SPRYD4: variants seen among roughly 807,000 people sequenced by gnomAD.
SPRYD4 encodes the protein SPRY domain containing 4, also known as SPRY domain-containing protein 4.
Under a neutral mutation model 16.6 loss-of-function variants are expected in SPRYD4, and 12 were observed. The observed-to-expected ratio is 0.72, with a 90% confidence interval of 0.46 to 1.17. SPRYD4 has a LOEUF of 1.17. Ranked by LOEUF, SPRYD4 falls within the 50% of genes most tolerant of loss-of-function variation. The pLI is 0.00. For synonymous variants in SPRYD4, 98 were observed against 105.4 expected, an observed-to-expected ratio of 0.93 and a Z score of 0.43; for missense variants, 260 against 260.2, an observed-to-expected ratio of 1.00 and a Z score of 0.00.
In SPRYD4 at chr12:56,471,138, C is replaced by A. The variant is rs1222904489; in HGVS notation, c.*1561C>A. 4.9e-6 allele frequency: 2 copies of A among 411,676 alleles called. No individual in the cohort carries two copies. The highest frequency in any genetic ancestry group is 2.0e-5 in the African/African-American group (1 of 48,944). The allele number at this position is 411,676 out of a possible 1,614,324, so 25.5% of individuals were successfully genotyped here. ...TGTACATGTGCATGGTAGCTAGAGT[C>A]CCTCCACCAGAGTATCTCTCTCATG... On this transcript the variant is annotated 3_prime_UTR_variant, in exon 2 of 2. Transcript: ENST00000338146.
Position 56,472,173 on chromosome 12 carries a change from T to C in SPRYD4, c.*2596T>C, listed in dbSNP as rs564633999. On this transcript the variant is annotated 3_prime_UTR_variant, in exon 2 of 2. Coordinates refer to ENST00000338146, the MANE Select transcript of SPRYD4 (RefSeq NM_207344.4). ...CGCGAGTCATAGTCTTTCTGTTCCA[T>C]ATCCATGGCTGACAAGGCAAACCTG... 1 of 1,614,206 alleles carries C rather than the reference T, an allele frequency of 6.2e-7. No homozygotes were observed. Among genetic ancestry groups the C allele is most frequent in the African/African-American group, 1.3e-5 (1 of 75,038 alleles).
In SPRYD4 at chr12:56,477,703, G is replaced by T; in HGVS notation, c.*8126G>T. 14 of 1,613,252 alleles carry T rather than the reference G, an allele frequency of 8.7e-6. No homozygotes were observed. The highest frequency in any genetic ancestry group is 1.1e-5 in the Non-Finnish European group (13 of 1,179,632). On this transcript the variant is annotated 3_prime_UTR_variant, in exon 2 of 2. Coordinates refer to ENST00000338146, the MANE Select transcript of SPRYD4 (RefSeq NM_207344.4). The stretch of plus-strand genomic sequence containing the variant: ...AACAATGGCACCAGCATTGACCATG[G>T]GGTTATGGGGGATTCCTGGGGAAAT...
rs748572561 is a variant in SPRYD4, at chr12:56,472,776, G to C, written c.*3199G>C. ...TCTGGAACACAAATCATACCCACAT[G>C]ACATTAATTGAACTCACCTATGCCA... On this transcript the variant is annotated 3_prime_UTR_variant, in exon 2 of 2. Coordinates refer to ENST00000338146, the MANE Select transcript of SPRYD4 (RefSeq NM_207344.4). The C allele has an allele frequency of 6.2e-6, 10 of 1,608,880 alleles. No individual in the cohort carries two copies. The highest frequency in any genetic ancestry group is 1.6e-4 in the Middle Eastern group (1 of 6,072).
In SPRYD4 at chr12:56,478,188, A is replaced by G; in HGVS notation, c.*8611A>G. On this transcript the variant is annotated 3_prime_UTR_variant, in exon 2 of 2. Coordinates refer to ENST00000338146, the MANE Select transcript of SPRYD4 (RefSeq NM_207344.4). ...CCTCTTGCCCAGCATCTCACCGTTG[A>G]CCATCCACAGTGCACAGGGAGACAC... 1 of 1,614,206 alleles carries G rather than the reference A, an allele frequency of 6.2e-7. No individual in the cohort carries two copies. The highest frequency in any genetic ancestry group is 8.5e-7 in the Non-Finnish European group (1 of 1,180,034).
Position 56,478,420 on chromosome 12 carries a change from C to A in SPRYD4, c.*8843C>A. The A allele has an allele frequency of 1.5e-6, 1 of 688,140 alleles. No individual in the cohort carries two copies. 42.6% of individuals were successfully genotyped at this position (688,140 alleles called of 1,614,324 possible). A position where few individuals can be genotyped will look rare whatever the true frequency, so the allele number is the denominator to read the frequency against. ...CCTGTTGCTCCCAGAAATGCCCGAG[C>A]CTTAAGTCCTAGAAGGCCATATCTT... On this transcript the variant is annotated 3_prime_UTR_variant, in exon 2 of 2. Transcript: ENST00000338146.
Position 56,477,487 on chromosome 12 carries a change from C to G in SPRYD4, c.*7910C>G. ...GACGGAGGTGGTGCAGTCTCTTATA[C>G]TGACATTGTCAGCATAACATGTGGG... On this transcript the variant is annotated 3_prime_UTR_variant, in exon 2 of 2. Transcript: ENST00000338146. 1.6e-6 allele frequency: 1 copy of G among 624,094 alleles called. No homozygotes were observed. The highest frequency in any genetic ancestry group is 2.8e-6 in the Non-Finnish European group (1 of 352,228). The allele number at this position is 624,094 out of a possible 1,614,324, so 38.7% of individuals were successfully genotyped here.
In SPRYD4 at chr12:56,475,293, TG is replaced by T; in HGVS notation, c.*5717del. 6.8e-7 allele frequency: 1 copy of T among 1,460,022 alleles called. No homozygotes were observed. Among genetic ancestry groups the T allele is most frequent in the Non-Finnish European group, 9.2e-7 (1 of 1,088,464 alleles). 90.4% of individuals were successfully genotyped at this position (1,460,022 alleles called of 1,614,324 possible). A position where few individuals can be genotyped will look rare whatever the true frequency, so the allele number is the denominator to read the frequency against. ...CCTGAGCAAACACTCAGCATAGTTT[TG>T]TTATAAAGTAAACCCAAACCAAACA... On this transcript the variant is annotated 3_prime_UTR_variant, in exon 2 of 2. Coordinates refer to ENST00000338146, the MANE Select transcript of SPRYD4 (RefSeq NM_207344.4).
chr12:56,469,657 C>T lies in SPRYD4; in HGVS notation c.*80C>T. On this transcript the variant is annotated 3_prime_UTR_variant, in exon 2 of 2. Transcript: ENST00000338146. ...TGTCCGAAGCCTTTTTACTTTGCCT[C>T]AAGCAACCTCTAGCTCCCACAATTC... 2 of 1,371,542 alleles carry T rather than the reference C, an allele frequency of 1.5e-6. No individual in the cohort carries two copies. The highest frequency in any genetic ancestry group is 2.0e-6 in the Non-Finnish European group (2 of 1,021,908). The allele number at this position is 1,371,542 out of a possible 1,614,324, so 85.0% of individuals were successfully genotyped here.
chr12:56,471,060 A>C lies in SPRYD4; in HGVS notation c.*1483A>C, dbSNP rs1869219162. The C allele has an allele frequency of 6.7e-6, 2 of 297,114 alleles. No individual in the cohort carries two copies. Among genetic ancestry groups the C allele is most frequent in the Non-Finnish European group, 1.2e-5 (2 of 161,938 alleles). The allele number at this position is 297,114 out of a possible 1,614,324, so 18.4% of individuals were successfully genotyped here. On this transcript the variant is annotated 3_prime_UTR_variant, in exon 2 of 2. Transcript: ENST00000338146. ...CTGGCCAAGGGGAGTAGATTTCTCC[A>C]GACTACTAAAGCCATGTATATAGCC...
Position 56,479,350 on chromosome 12 carries a change from C to G in SPRYD4, c.*9773C>G. On this transcript the variant is annotated 3_prime_UTR_variant, in exon 2 of 2. Coordinates refer to ENST00000338146, the MANE Select transcript of SPRYD4 (RefSeq NM_207344.4). ...ACCTTTCTAGGTCTTAGTTTCCGTA[C>G]CTCTAAAATGAGGGGTTTTAATGAT... 1.4e-6 allele frequency: 1 copy of G among 730,860 alleles called. No individual in the cohort carries two copies. The highest frequency in any genetic ancestry group is 2.1e-6 in the Non-Finnish European group (1 of 480,746). 45.3% of individuals were successfully genotyped at this position (730,860 alleles called of 1,614,324 possible).
chr12:56,470,040 C>G lies in SPRYD4; in HGVS notation c.*463C>G, dbSNP rs914444368. ...GCTGAAGGAGTGGTGCAGTCAATGA[C>G]TTGGCCCTTTTTCTACAGCACATTT... On this transcript the variant is annotated 3_prime_UTR_variant, in exon 2 of 2. Transcript: ENST00000338146. 1 of 164,452 alleles carries G rather than the reference C, an allele frequency of 6.1e-6. No individual in the cohort carries two copies. The highest frequency in any genetic ancestry group is 1.4e-5 in the Non-Finnish European group (1 of 73,756). The allele number at this position is 164,452 out of a possible 1,614,324, so 10.2% of individuals were successfully genotyped here.
At position 56,471,769 on chromosome 12, in the gene SPRYD4, T is replaced by C; in HGVS notation, c.*2192T>C. ...CCCTCCTCCACTTTTAGCCTATTCC[T>C]CACCTGTCCTTGGCAAAAGGATTCA... On this transcript the variant is annotated 3_prime_UTR_variant, in exon 2 of 2. Coordinates refer to ENST00000338146, the MANE Select transcript of SPRYD4 (RefSeq NM_207344.4). 6.2e-7 allele frequency: 1 copy of C among 1,614,124 alleles called. No individual in the cohort carries two copies. Among genetic ancestry groups the C allele is most frequent in the Non-Finnish European group, 8.5e-7 (1 of 1,180,000 alleles).
Position 56,475,336 on chromosome 12 carries a change from C to T in SPRYD4, c.*5759C>T. The T allele has an allele frequency of 5.8e-6, 7 of 1,198,348 alleles. No homozygotes were observed. Among genetic ancestry groups the T allele is most frequent in the Non-Finnish European group, 8.0e-6 (7 of 878,472 alleles). The allele number at this position is 1,198,348 out of a possible 1,614,324, so 74.2% of individuals were successfully genotyped here. A position where few individuals can be genotyped will look rare whatever the true frequency, so the allele number is the denominator to read the frequency against. ...AACCAAACACCCCAAACTGTCTAGT[C>T]ATCTAGGAAAACTGGTGAAGTTTTT... On this transcript the variant is annotated 3_prime_UTR_variant, in exon 2 of 2. Coordinates refer to ENST00000338146, the MANE Select transcript of SPRYD4 (RefSeq NM_207344.4).
chr12:56,468,586 C>A lies in SPRYD4; in HGVS notation c.-6C>A, dbSNP rs1869093949. On this transcript the variant is annotated 5_prime_UTR_variant, in exon 1 of 2. Coordinates refer to ENST00000338146, the MANE Select transcript of SPRYD4 (RefSeq NM_207344.4). ...GGAGGCGTGCCCGGTTCATCCAAGG[C>A]GCAAGATGGCGCTGCTTTTTGCACG... 1 of 1,612,766 alleles carries A rather than the reference C, an allele frequency of 6.2e-7. No homozygotes were observed. The highest frequency in any genetic ancestry group is 1.1e-5 in the South Asian group (1 of 91,014).
rs1869424259 is a variant in SPRYD4, at chr12:56,472,896, T to C, written c.*3319T>C. 17 of 734,692 alleles carry C rather than the reference T, an allele frequency of 2.3e-5. No homozygotes were observed. In the South Asian group the frequency reaches 3.1e-4, roughly 13 times the overall value. 45.5% of individuals were successfully genotyped at this position (734,692 alleles called of 1,614,324 possible). A position where few individuals can be genotyped will look rare whatever the true frequency, so the allele number is the denominator to read the frequency against. On this transcript the variant is annotated 3_prime_UTR_variant, in exon 2 of 2. Coordinates refer to ENST00000338146, the MANE Select transcript of SPRYD4 (RefSeq NM_207344.4). ...TACTCTGAAATATTCTTTTTTTTTT[T>C]TTTTTTTTTGAGACGGAGTCTCGCT...
Position 56,475,059 on chromosome 12 carries a change from A to G in SPRYD4, c.*5482A>G. On this transcript the variant is annotated 3_prime_UTR_variant, in exon 2 of 2. Coordinates refer to ENST00000338146, the MANE Select transcript of SPRYD4 (RefSeq NM_207344.4). Reference sequence around the variant, plus strand: ...TTCTGGTTACCTTCTTTTCCTTGAGATAATAGCCGATGGCATAATTCCGAT... The same window carrying G: ...TTCTGGTTACCTTCTTTTCCTTGAGGTAATAGCCGATGGCATAATTCCGAT... 1.2e-6 allele frequency: 2 copies of G among 1,614,196 alleles called. No homozygotes were observed. The highest frequency in any genetic ancestry group is 1.7e-6 in the Non-Finnish European group (2 of 1,180,046).
Position 56,472,041 on chromosome 12 carries a change from A to G in SPRYD4, c.*2464A>G, listed in dbSNP as rs1296846126. ...GCTGCCCCTATAACCTTGAGGGCAC[A>G]TATAATGAAGGTACTTTTGGTGAAA... is the stretch of plus-strand genomic sequence containing the variant. On this transcript the variant is annotated 3_prime_UTR_variant, in exon 2 of 2. Transcript: ENST00000338146. The G allele has an allele frequency of 1.3e-6, 2 of 1,503,428 alleles. No individual in the cohort carries two copies. The allele number at this position is 1,503,428 out of a possible 1,614,324, so 93.1% of individuals were successfully genotyped here. A position where few individuals can be genotyped will look rare whatever the true frequency, so the allele number is the denominator to read the frequency against.
In SPRYD4 at chr12:56,475,978, CTG is replaced by C; in HGVS notation, c.*6402_*6403del. On this transcript the variant is annotated 3_prime_UTR_variant, in exon 2 of 2. Coordinates refer to ENST00000338146, the MANE Select transcript of SPRYD4 (RefSeq NM_207344.4). ...ACTTCTCTGCTTTGTTACAGTCCAT[CTG>C]CAGAGAAAGAGAGAGATGTCAGCAT... The C allele has an allele frequency of 6.2e-7, 1 of 1,613,072 alleles. No individual in the cohort carries two copies. Among genetic ancestry groups the C allele is most frequent in the South Asian group, 1.1e-5 (1 of 91,082 alleles).
Position 56,475,859 on chromosome 12 carries a change from TG to T in SPRYD4, c.*6286del. ...TAGTATGGGCTGGTGCACCTGGTAG[TG>T]GGGTTAGAGAGCCACTGGGGCAGCT... On this transcript the variant is annotated 3_prime_UTR_variant, in exon 2 of 2. Transcript: ENST00000338146. The T allele has an allele frequency of 6.8e-7, 1 of 1,474,144 alleles. No homozygotes were observed. Among genetic ancestry groups the T allele is most frequent in the Non-Finnish European group, 9.5e-7 (1 of 1,053,604 alleles). 91.3% of individuals were successfully genotyped at this position (1,474,144 alleles called of 1,614,324 possible). A position where few individuals can be genotyped will look rare whatever the true frequency, so the allele number is the denominator to read the frequency against.
Sources: allele counts gnomAD v4.1 joint callset, GRCh38; gene constraint gnomAD v4.1.1; transcripts MANE v1.5; gene names NCBI Gene and HGNC (gene_info 2026-07-23, HGNC 2026-07-21).